The following CDH13 variants were observed in gnomAD, a reference collection of about 807,000 sequenced individuals.
CDH13 encodes the protein cadherin 13, also known as cadherin-13.
Under a neutral mutation model 63.8 loss-of-function variants are expected in CDH13, and 24 were observed. The observed-to-expected ratio is 0.38, with a 90% CI of 0.27 to 0.53. The LOEUF is 0.53. CDH13 is among the 20% of genes least tolerant of loss of function. The pLI, the probability that CDH13 is intolerant of heterozygous loss-of-function variation, is 0.85. For missense variants in CDH13, 1,049 were observed against 903.1 expected, an observed-to-expected ratio of 1.16 and a Z score of -2.07; for synonymous variants, 503 against 355.3, an observed-to-expected ratio of 1.42 and a Z score of -4.67.
At chr16:82,683,954 A>G (rs1377577148) in intron 1 of CDH13, among the ~76,000 whole-genome samples, 1 of 152,206 alleles carries the variant, frequency 6.6e-6, no homozygotes, top group Non-Finnish European at 1.5e-5. Context: ...TTAACCTTTG[A>G]CTTGTCTAGT....
intron 2 of CDH13, among the ~76,000 whole-genome samples, chr16:83,022,805 G>A (rs1174917787): frequency 6.6e-6 from 1 of 152,126 alleles, no homozygotes; most frequent in Non-Finnish European, 1.5e-5. Context: ...GCAAACTCTA[G>A]GACAATTTAC....
chr16:83,615,273 G>A (rs1169010256), intron 8 of CDH13, among the ~76,000 whole-genome samples: 2 of 151,910 alleles, frequency 1.3e-5, no homozygotes, highest in Non-Finnish European at 1.5e-5. Context: ...TCTAAACCCC[G>A]ACCACGTAAT....
At chr16:83,003,679 C>T (rs1456969168) in intron 2 of CDH13, among the ~76,000 whole-genome samples, 1 of 152,194 alleles carries the variant, frequency 6.6e-6, no homozygotes, top group Non-Finnish European at 1.5e-5. Flanking sequence ...TGAACTAAAA[C>T]TTAACTTACC....
At chr16:82,688,073 G>A (rs962124692) in intron 1 of CDH13, among the ~76,000 whole-genome samples, 1 of 152,180 alleles carries the variant, frequency 6.6e-6, no homozygotes, top group Non-Finnish European at 1.5e-5. Context: ...AACAGTGTTT[G>A]TGATTTTACC....
At chr16:83,498,964 A>G (rs1190806698) in intron 7 of CDH13, among the ~76,000 whole-genome samples, 2 of 152,186 alleles carry the variant, frequency 1.3e-5, no homozygotes, top group Non-Finnish European at 2.9e-5. Flanking sequence ...ATGCAAATCA[A>G]TACAGGTCAT....
At chr16:82,790,317 C>G (rs950643758) in intron 1 of CDH13, among the ~76,000 whole-genome samples, 1 of 152,030 alleles carries the variant, frequency 6.6e-6, no homozygotes, top group East Asian at 1.9e-4. Context: ...CACCTGTAAT[C>G]CTAACTACTC....
chr16:83,006,012 T>G (rs1567736700), intron 2 of CDH13, among the ~76,000 whole-genome samples: 1 of 152,204 alleles, frequency 6.6e-6, no homozygotes, highest in Admixed American at 6.5e-5. Flanking sequence ...AATTTAAGTA[T>G]TTTTGAAATG....
intron 2 of CDH13, among the ~76,000 whole-genome samples, chr16:82,971,380 T>A (rs936314910): frequency 1.3e-5 from 2 of 152,236 alleles, no homozygotes; most frequent in African/African-American, 4.8e-5. Context: ...CCCCGCACAC[T>A]TGAATCCTTG....
chr16:83,732,959 T>A (rs551109571), intron 10 of CDH13, among the ~76,000 whole-genome samples: 1 of 152,330 alleles, frequency 6.6e-6, no homozygotes, highest in African/African-American at 2.4e-5. Flanking sequence ...ACTGCCTACA[T>A]GAAGAGGGAA....
chr16:83,552,382 C>G (rs2075521058), intron 7 of CDH13, among the ~76,000 whole-genome samples: 1 of 152,214 alleles, frequency 6.6e-6, no homozygotes, highest in South Asian at 2.1e-4. Context: ...AATCTGGTAA[C>G]TCCTGTAACT....
intron 1 of CDH13, among the ~76,000 whole-genome samples, chr16:82,711,296 TAG>T (rs1197227291): frequency 6.6e-6 from 1 of 152,176 alleles, no homozygotes; most frequent in African/African-American, 2.4e-5. Flanking sequence ...CTCTTAAGGA[TAG>T]AGTCTTAGAA....
intron 11 of CDH13, among the ~76,000 whole-genome samples, chr16:83,752,505 G>T (rs915243522): frequency 2.0e-5 from 3 of 152,190 alleles, no homozygotes; most frequent in Admixed American, 6.5e-5. Flanking sequence ...TAAAATTTCT[G>T]TGTGGAAGCA....
At chr16:82,986,692 T>G (rs1910982758) in intron 2 of CDH13, among the ~76,000 whole-genome samples, 1 of 152,162 alleles carries the variant, frequency 6.6e-6, no homozygotes, top group Non-Finnish European at 1.5e-5. Context: ...ATCTCAAGCC[T>G]TTGCTTGAAC....
intron 6 of CDH13, among the ~76,000 whole-genome samples, chr16:83,461,617 C>T (rs1364930082): frequency 6.6e-6 from 1 of 152,170 alleles, no homozygotes; most frequent in Non-Finnish European, 1.5e-5. Flanking sequence ...GCCCAGAGAG[C>T]TAATTTCCAC....
At chr16:83,609,227 A>C (rs1908640453) in intron 8 of CDH13, among the ~76,000 whole-genome samples, 1 of 152,170 alleles carries the variant, frequency 6.6e-6, no homozygotes, top group Non-Finnish European at 1.5e-5. Flanking sequence ...AACTTTCTTA[A>C]GACATTATGA....
chr16:83,209,382 C>T (rs977091406), intron 4 of CDH13, among the ~76,000 whole-genome samples: 3 of 152,072 alleles, frequency 2.0e-5, no homozygotes, highest in Non-Finnish European at 4.4e-5. Flanking sequence ...AACAGACATC[C>T]GGGTGCATCC....
intron 1 of CDH13, among the ~76,000 whole-genome samples, chr16:82,709,460 C>G (rs752345407): frequency 1.3e-5 from 2 of 152,148 alleles, no homozygotes; most frequent in East Asian, 1.9e-4. Context: ...ATTAGACTGC[C>G]TAATTTTAAA....
intron 5 of CDH13, among the ~76,000 whole-genome samples, chr16:83,303,098 T>A (rs1194695403): frequency 6.6e-6 from 1 of 152,222 alleles, no homozygotes; most frequent in Non-Finnish European, 1.5e-5. Context: ...GCATCTCTTT[T>A]ATCTGTCATC....
chr16:82,653,161 T>C lies in CDH13; in HGVS notation c.45+26024T>C, dbSNP rs56249227. ...TTGATAGATACTTATTGAACGGTTT[T>C]TCCAAGTGTCTGTGAAGAAGACATG... On this transcript the variant is annotated intron_variant, in intron 1 of 13. Coordinates refer to ENST00000567109, the MANE Select transcript of CDH13 (RefSeq NM_001257.5). Among the ~76,000 whole-genome samples the C allele has an allele frequency of 7.1e-3, 1,075 of 152,276 alleles. 9 individuals are homozygous for C. The highest frequency in any genetic ancestry group is 0.02 in the Middle Eastern group (6 of 294).
Sources: allele counts gnomAD v4.1 joint callset (sites outside exome capture counted in the v4.1 genomes callset), GRCh38; gene constraint gnomAD v4.1.1; transcripts MANE v1.5; gene names NCBI Gene and HGNC (gene_info 2026-07-23, HGNC 2026-07-21).